Variants in KCNJ16 observed in about 807,000 individuals in gnomAD.
The protein encoded by KCNJ16 is inward rectifier potassium channel 16.
KCNJ16 carries 15 observed loss-of-function variants against 18.5 expected under a neutral mutation model. That is an observed-to-expected ratio of 0.81 (90% CI 0.54 to 1.25). KCNJ16 has a LOEUF of 1.25. Among genes scored for constraint, KCNJ16 ranks in the 50% most tolerant of loss-of-function variants. The probability of loss-of-function intolerance (pLI) is 0.00; values close to 1 mark genes in which losing one functional copy is unlikely to be tolerated. For synonymous variants in KCNJ16, 174 were observed against 186.5 expected (o/e 0.93, Z 0.55); for missense variants, 523 against 525.7 (o/e 0.99, Z 0.05).
At chr17:70,102,961 G>A (rs1489999771) in intron 2 of KCNJ16, among the ~76,000 whole-genome samples, 1 of 151,222 alleles carries the variant, frequency 6.6e-6, no homozygotes. Flanking sequence ...TTGAGACAGG[G>A]TCTCACTCTG....
chr17:70,082,251 T>C (rs910070053), intron 1 of KCNJ16, among the ~76,000 whole-genome samples: 7 of 152,182 alleles, frequency 4.6e-5, no homozygotes, highest in Middle Eastern at 6.3e-3. Context: ...ATAAAGAGCC[T>C]AACAGATTTG....
At chr17:70,092,069 C>G (rs991647500) in intron 1 of KCNJ16, among the ~76,000 whole-genome samples, 1 of 152,170 alleles carries the variant, frequency 6.6e-6, no homozygotes, top group African/African-American at 2.4e-5. Flanking sequence ...CCTAAAACAT[C>G]TACCTAAAAG....
At chr17:70,100,632 A>G (rs2072581778) in intron 1 of KCNJ16, 26 bp from the exon 2 acceptor site, 1 of 152,216 alleles carries the variant, frequency 6.6e-6, no homozygotes, top group Admixed American at 6.5e-5. Flanking sequence ...AAGAGCTAAT[A>G]TATTTCTATT....
At chr17:70,108,524 T>C (rs1416837651) in intron 2 of KCNJ16, 2 of 152,132 alleles carry the variant, frequency 1.3e-5, no homozygotes, top group Non-Finnish European at 2.9e-5. Flanking sequence ...CATCAACATA[T>C]CTGCTTTAAA....
intron 1 of KCNJ16, among the ~76,000 whole-genome samples, chr17:70,077,032 G>A (rs931954842): frequency 6.6e-5 from 10 of 152,272 alleles, no homozygotes; most frequent in African/African-American, 2.4e-4. Context: ...AGACCTGGAG[G>A]TGGCAAGGAA....
chr17:70,103,324 A>ACACACATAT (rs1555589210), intron 2 of KCNJ16, among the ~76,000 whole-genome samples: 2 of 113,356 alleles, frequency 1.8e-5, no homozygotes, highest in African/African-American at 6.7e-5. Context: ...ATATATATAC[A>ACACACATAT]CACACATATA....
chr17:70,125,930 CAA>C (rs891672447), intron 2 of KCNJ16, among the ~76,000 whole-genome samples: 1 of 128,376 alleles, frequency 7.8e-6, no homozygotes, highest in Non-Finnish European at 1.7e-5. Flanking sequence ...GTTTCCGTCT[CAA>C]AAAAAAAAAG....
At chr17:70,105,126 G>C (rs1357929465) in intron 2 of KCNJ16, 1 of 152,282 alleles carries the variant, frequency 6.6e-6, no homozygotes, top group Non-Finnish European at 1.5e-5. Flanking sequence ...CTAATTGCTT[G>C]TCGGCTCTTT....
intron 1 of KCNJ16, among the ~76,000 whole-genome samples, chr17:70,097,596 G>C (rs2072437914): frequency 6.6e-6 from 1 of 152,060 alleles, no homozygotes; most frequent in African/African-American, 2.4e-5. Context: ...ATATAGCATA[G>C]TTTTCAATTT....
intron 2 of KCNJ16, among the ~76,000 whole-genome samples, chr17:70,117,944 A>C (rs2073477772): frequency 6.6e-6 from 1 of 152,182 alleles, no homozygotes; most frequent in Non-Finnish European, 1.5e-5. Flanking sequence ...GATAATATTT[A>C]AGGTAGTAAA....
intron 1 of KCNJ16, among the ~76,000 whole-genome samples, chr17:70,088,615 A>G (rs2071946159): frequency 6.6e-6 from 1 of 152,186 alleles, no homozygotes; most frequent in African/African-American, 2.4e-5. Flanking sequence ...CAAATTATTC[A>G]TTAAATTTTG....
intron 2 of KCNJ16, among the ~76,000 whole-genome samples, chr17:70,129,906 A>G (rs1210233861): frequency 1.3e-4 from 2 of 15,526 alleles, no homozygotes; most frequent in Non-Finnish European, 2.4e-4. Context: ...CCTTTCATTT[A>G]TTTATTTATT....
intron 2 of KCNJ16, among the ~76,000 whole-genome samples, chr17:70,117,471 T>A (rs2073457475): frequency 6.6e-6 from 1 of 152,036 alleles, no homozygotes; most frequent in African/African-American, 2.4e-5. Context: ...AATAATAATA[T>A]AAAATTTCAT....
At chr17:70,107,207 G>A (rs189649006) in intron 2 of KCNJ16, among the ~76,000 whole-genome samples, 10 of 152,336 alleles carry the variant, frequency 6.6e-5, no homozygotes, top group African/African-American at 1.4e-4. Flanking sequence ...TGTTGGAGAC[G>A]AGATTCAAAC....
chr17:70,091,944 G>T (rs370494677), intron 1 of KCNJ16, among the ~76,000 whole-genome samples: 2 of 152,152 alleles, frequency 1.3e-5, no homozygotes, highest in African/African-American at 4.8e-5. Flanking sequence ...TTGGGTTGGA[G>T]GGGGGTTGTG....
Position 70,133,297 on chromosome 17 carries a change from A to C in KCNJ16, c.1210A>C (p.Lys404Gln), listed in dbSNP as rs771464061. ...TGAATATAGGGAAACACCTTATCAG[A>C]AAGCTCTCCTGACTTTAAACAGAAT... is the stretch of plus-strand genomic sequence containing the variant. ...THEYRETPYQ[K>Q]ALLTLNRISV... The change falls in exon 4 of 4, where the codon AAA (lysine) becomes CAA (glutamine). Residue 404 changes from lysine to glutamine, a missense_variant. Lys to Gln is a moderately conservative substitution (Grantham distance 53). Transcript: ENST00000392671. 1.9e-6 allele frequency: 3 copies of C among 1,614,098 alleles called. No homozygotes were observed. The highest frequency in any genetic ancestry group is 2.5e-6 in the Non-Finnish European group (3 of 1,179,956).
At chr17:70,092,498 A>ATAGATAGATAGG (rs2072136490) in intron 1 of KCNJ16, among the ~76,000 whole-genome samples, 1 of 36,544 alleles carries the variant, frequency 2.7e-5, no homozygotes, top group Admixed American at 2.6e-4. Flanking sequence ...CAATAGATAG[A>ATAGATAGATAGG]TAGATAGATA....
chr17:70,103,296 G>GTGTGTATATATA (rs1408960241), intron 2 of KCNJ16, among the ~76,000 whole-genome samples: 1 of 72,050 alleles, frequency 1.4e-5, no homozygotes, highest in African/African-American at 4.4e-5. Flanking sequence ...ATGTGTGTGT[G>GTGTGTATATATA]TATATATATA....
intron 2 of KCNJ16, among the ~76,000 whole-genome samples, chr17:70,112,498 A>C (rs556980938): frequency 6.5e-4 from 97 of 150,144 alleles, no homozygotes; most frequent in African/African-American, 2.4e-3. Flanking sequence ...CTTGAACTCT[A>C]TGAATGAAAA....
Sources: gnomAD v4.1 joint callset for allele counts (sites outside exome capture counted in the v4.1 genomes callset) on GRCh38, gnomAD v4.1.1 for gene constraint, MANE v1.5 for transcripts, NCBI Gene and HGNC (gene_info 2026-07-23, HGNC 2026-07-21) for gene names.